The following NKAIN3 variants were observed in gnomAD, a reference collection of about 807,000 sequenced individuals.
NKAIN3 encodes the protein sodium/potassium transporting ATPase interacting 3.
NKAIN3 carries 25 observed loss-of-function variants against 30.2 expected under a neutral mutation model. The observed-to-expected ratio is 0.83, with a 90% CI of 0.60 to 1.16. The LOEUF (loss-of-function observed/expected upper bound fraction) is 1.16. Ranked by LOEUF, NKAIN3 falls within the 50% of genes most tolerant of loss-of-function variation. NKAIN3 has a pLI of 0.00. For missense variants in NKAIN3, 225 were observed against 254.1 expected (o/e 0.89, Z 0.78); for synonymous variants, 91 against 89.6 (o/e 1.02, Z -0.09).
chr8:62,775,723 G>T (rs762864056), intron 4 of NKAIN3, among the ~76,000 whole-genome samples: 7 of 151,868 alleles, frequency 4.6e-5, no homozygotes, highest in African/African-American at 1.5e-4. Flanking sequence ...AATTCCTCTT[G>T]TTATTGATTT....
intron 1 of NKAIN3, among the ~76,000 whole-genome samples, chr8:62,471,318 G>C (rs1233064457): frequency 6.6e-6 from 1 of 151,828 alleles, no homozygotes; most frequent in Admixed American, 6.6e-5. Flanking sequence ...AAAAAAAAAT[G>C]ATCTGGAGCA....
chr8:62,969,548 T>G lies in NKAIN3; in HGVS notation c.*4141T>G, dbSNP rs779541622. ...TTTTAAGCAAATCCTCACTTACTTT[T>G]TCTGAGTCACTTTAGTATGTAACTA... On this transcript the variant is annotated 3_prime_UTR_variant, in exon 7 of 7. Coordinates refer to ENST00000623646, the MANE Select transcript of NKAIN3 (RefSeq NM_001304533.3). Among the ~76,000 whole-genome samples, 2 of 152,204 alleles carry G rather than the reference T, an allele frequency of 1.3e-5. No individual in the cohort carries two copies.
chr8:62,287,153 G>A lies in NKAIN3; in HGVS notation c.54+38026G>A, dbSNP rs190622647. Among the ~76,000 whole-genome samples, 78 of 151,162 alleles carry A rather than the reference G, an allele frequency of 5.2e-4. 1 individual carries two copies. The highest frequency in any genetic ancestry group is 1.0e-3 in the East Asian group (5 of 4,956). On this transcript the variant is annotated intron_variant, in intron 1 of 6. Transcript: ENST00000623646. ...ATGCCCCTCTTGTCTGAGACATGCA[G>A]ATTACAGTAGCCCTTTGGCTCATAC...
chr8:62,422,384 G>A (rs1804668774), intron 1 of NKAIN3, among the ~76,000 whole-genome samples: 1 of 152,090 alleles, frequency 6.6e-6, no homozygotes, highest in Non-Finnish European at 1.5e-5. Flanking sequence ...AACAGAATTG[G>A]AATGTGAAAA....
Position 62,840,402 on chromosome 8 carries a change from T to C in NKAIN3, c.472-78051T>C, listed in dbSNP as rs1586255455. ...ATATTACCTTTCCTTTTGAGCTTGA[T>C]TTATTTAAACCTGGAGGGTCACAAA... is the stretch of plus-strand genomic sequence containing the variant. On this transcript the variant is annotated intron_variant, in intron 4 of 6. Coordinates refer to ENST00000623646, the MANE Select transcript of NKAIN3 (RefSeq NM_001304533.3). 2.2e-5 allele frequency among the ~76,000 whole-genome samples: 3 copies of C among 139,212 alleles called. No individual in the cohort carries two copies. In the South Asian group the frequency reaches 7.5e-4, roughly 35 times the overall value. 91.3% of individuals were successfully genotyped at this position (139,212 alleles called of 152,430 possible).
At chr8:62,769,726 C>T (rs935846866) in intron 4 of NKAIN3, among the ~76,000 whole-genome samples, 2 of 152,208 alleles carry the variant, frequency 1.3e-5, no homozygotes, top group African/African-American at 4.8e-5. Flanking sequence ...TAAGCCTTCT[C>T]TATCATTAAA....
chr8:62,939,856 G>A (rs937825475), intron 5 of NKAIN3, among the ~76,000 whole-genome samples: 20 of 151,036 alleles, frequency 1.3e-4, no homozygotes, highest in Admixed American at 1.1e-3. Context: ...GAAAAAAAAA[G>A]CAAGGTATTC....
intron 1 of NKAIN3, among the ~76,000 whole-genome samples, chr8:62,520,005 C>T (rs893938615): frequency 3.3e-5 from 5 of 152,090 alleles, no homozygotes; most frequent in African/African-American, 4.8e-5. Context: ...GACTTTGCTT[C>T]GTATCTCTCA....
intron 4 of NKAIN3, among the ~76,000 whole-genome samples, chr8:62,906,536 C>T (rs140749457): frequency 1.1e-3 from 171 of 152,250 alleles, no homozygotes; most frequent in African/African-American, 3.9e-3. Flanking sequence ...CCACCCAAAT[C>T]TCATCTTGAA....
At chr8:62,580,595 C>T (rs1396491779) in intron 2 of NKAIN3, among the ~76,000 whole-genome samples, 4 of 152,118 alleles carry the variant, frequency 2.6e-5, no homozygotes, top group African/African-American at 9.7e-5. Context: ...CTAATTCCAC[C>T]TGTGGAAAAT....
chr8:62,549,862 T>C (rs1478900777), intron 1 of NKAIN3, among the ~76,000 whole-genome samples: 2 of 150,802 alleles, frequency 1.3e-5, no homozygotes, highest in African/African-American at 4.9e-5. Flanking sequence ...GTGCCATTAT[T>C]CTACACTTTG....
intron 4 of NKAIN3, among the ~76,000 whole-genome samples, chr8:62,759,358 T>A (rs777881650): frequency 1.3e-5 from 2 of 152,166 alleles, no homozygotes; most frequent in Non-Finnish European, 1.5e-5. Flanking sequence ...AGAAATCAAT[T>A]CAATTCTCCA....
At chr8:62,877,556 C>T (rs1820837606) in intron 4 of NKAIN3, among the ~76,000 whole-genome samples, 1 of 152,230 alleles carries the variant, frequency 6.6e-6, no homozygotes, top group Non-Finnish European at 1.5e-5. Context: ...TGAAAGGTCA[C>T]ACATAGGATC....
At position 62,500,467 on chromosome 8, in the gene NKAIN3, A is replaced by AAG. The variant is rs765170586; in HGVS notation, c.55-79070_55-79069dup. Among the ~76,000 whole-genome samples the AAG allele has an allele frequency of 5.9e-3, 840 of 142,336 alleles. 4 individuals carry two copies. The highest frequency in any genetic ancestry group is 9.9e-3 in the Non-Finnish European group (631 of 63,772). The allele number at this position is 142,336 out of a possible 152,430, so 93.4% of individuals were successfully genotyped here. A position where few individuals can be genotyped will look rare whatever the true frequency, so the allele number is the denominator to read the frequency against. ...AAAGAAAGAAAGAAAGAAAGAAAGA[A>AAG]AGAAAGAAAGAAAGAAAGAAGAAAA... On this transcript the variant is annotated intron_variant, in intron 1 of 6. Transcript: ENST00000623646.
rs959515554 is a variant in NKAIN3 at position 62,983,458 on chromosome 8, C to T, written c.*18051C>T. The T allele has an allele frequency of 6.6e-6, 1 of 152,196 alleles. No homozygotes were observed. The highest frequency in any genetic ancestry group is 2.4e-5 in the African/African-American group (1 of 41,442). 9.4% of individuals were successfully genotyped at this position (152,196 alleles called of 1,614,324 possible). ...CTCTTCTGTCTCCCTAAGCATTCAA[C>T]AAACACTTAGTGACCATCTGTCTTG... is the stretch of plus-strand genomic sequence containing the variant. On this transcript the variant is annotated 3_prime_UTR_variant, in exon 7 of 7. Transcript: ENST00000623646.
At chr8:62,322,162 C>T (rs1814946809) in intron 1 of NKAIN3, among the ~76,000 whole-genome samples, 1 of 152,200 alleles carries the variant, frequency 6.6e-6, no homozygotes, top group Non-Finnish European at 1.5e-5. Context: ...ATGCTGTTTG[C>T]TAAGACCATT....
At chr8:62,513,573 G>C (rs1389753548) in intron 1 of NKAIN3, among the ~76,000 whole-genome samples, 1 of 151,850 alleles carries the variant, frequency 6.6e-6, no homozygotes. Flanking sequence ...CCAGGCAAAG[G>C]AAAGAGGATT....
At chr8:62,698,488 C>A (rs1432074174) in intron 3 of NKAIN3, among the ~76,000 whole-genome samples, 1 of 152,122 alleles carries the variant, frequency 6.6e-6, no homozygotes, top group African/African-American at 2.4e-5. Flanking sequence ...GCACACACAC[C>A]CTCTCACTTG....
chr8:62,446,918 C>T (rs13274894), intron 1 of NKAIN3, among the ~76,000 whole-genome samples: 2,851 of 152,078 alleles, frequency 0.019, 49 homozygotes, highest in Middle Eastern at 0.044. Flanking sequence ...CTGTTAAAAA[C>T]ATTGGTGTGC....
Sources: allele counts gnomAD v4.1 joint callset (sites outside exome capture counted in the v4.1 genomes callset), GRCh38; gene constraint gnomAD v4.1.1; transcripts MANE v1.5; gene names NCBI Gene and HGNC (gene_info 2026-07-23, HGNC 2026-07-21).